Variants in PDZRN4 observed in about 807,000 individuals in gnomAD.
PDZRN4 encodes PDZ domain containing ring finger 4, also known as PDZ domain-containing RING finger protein 4.
A neutral mutation model predicts 99.0 loss-of-function variants in PDZRN4; 70 were observed. The ratio of observed to expected loss-of-function variants is 0.71; its 90% CI spans 0.58 to 0.86. The LOEUF (loss-of-function observed/expected upper bound fraction) is 0.86. Among genes scored for constraint, PDZRN4 ranks in the 40% least tolerant of loss-of-function variants. The pLI, the probability that PDZRN4 is intolerant of heterozygous loss-of-function variation, is 0.00. For missense variants in PDZRN4, 1,474 were observed against 1,331.2 expected (o/e 1.11, Z -1.67); for synonymous variants, 551 against 501.6 (o/e 1.10, Z -1.32).
intron 3 of PDZRN4, among the ~76,000 whole-genome samples, chr12:41,480,789 C>T (rs948030013): frequency 2.8e-4 from 42 of 151,852 alleles, no homozygotes; most frequent in African/African-American, 1.0e-3. Context: ...CTATTCAACT[C>T]AAATGTGAGT....
intron 3 of PDZRN4, among the ~76,000 whole-genome samples, chr12:41,340,463 G>A (rs921409237): frequency 1.3e-5 from 2 of 151,800 alleles, no homozygotes; most frequent in African/African-American, 4.8e-5. Flanking sequence ...AGGAAGTAGG[G>A]ATGGGTAATG....
rs74077172 is a variant in PDZRN4, at chr12:41,243,751, G to A, written c.843+49563G>A. Reference sequence around the variant, plus strand: ...ATTTCTCTATGGGATAGCACTGCCTGATAGCTAATTCACAGTAGCAGAATA... The same window carrying A: ...ATTTCTCTATGGGATAGCACTGCCTAATAGCTAATTCACAGTAGCAGAATA... On this transcript the variant is annotated intron_variant, in intron 3 of 9. Coordinates refer to ENST00000402685, the MANE Select transcript of PDZRN4 (RefSeq NM_001164595.2). Among the ~76,000 whole-genome samples the A allele has an allele frequency of 2.5e-3, 374 of 152,252 alleles. 2 individuals are homozygous for A. The highest frequency in any genetic ancestry group is 8.8e-3 in the African/African-American group (367 of 41,538).
chr12:41,573,741 A>G lies in PDZRN4; in HGVS notation c.2962A>G (p.Ile988Val). 6.2e-7 allele frequency: 1 copy of G among 1,613,974 alleles called. No individual in the cohort carries two copies. The highest frequency in any genetic ancestry group is 2.2e-5 in the East Asian group (1 of 44,848). ...TGAGGGCAAGAAGGAGATCAATATC[A>G]TTGAACTGAGTCACAAAAAGATGAT... is the stretch of plus-strand genomic sequence containing the variant. Reference protein sequence around the residue: ...GSEGKKEINIIELSHKKMMKK... With the variant: ...GSEGKKEINIVELSHKKMMKK... Residue 988 changes from isoleucine to valine, a missense_variant, in exon 10 of 10, where the codon ATT becomes GTT. Coordinates refer to ENST00000402685, the MANE Select transcript of PDZRN4 (RefSeq NM_001164595.2).
chr12:41,490,941 A>T (rs1354199957), intron 3 of PDZRN4, among the ~76,000 whole-genome samples: 1 of 152,144 alleles, frequency 6.6e-6, no homozygotes, highest in Non-Finnish European at 1.5e-5. Context: ...ATAATCTTTC[A>T]TGGGTTCCAA....
At chr12:41,227,256 T>C (rs1951001056) in intron 3 of PDZRN4, among the ~76,000 whole-genome samples, 2 of 152,160 alleles carry the variant, frequency 1.3e-5, no homozygotes, top group South Asian at 4.1e-4. Flanking sequence ...TGAGGTTTGT[T>C]CTGTTTATCT....
chr12:41,350,526 G>T (rs575245606), intron 3 of PDZRN4, among the ~76,000 whole-genome samples: 62 of 151,984 alleles, frequency 4.1e-4, no homozygotes, highest in Non-Finnish European at 7.4e-4. Flanking sequence ...ATACATTTTA[G>T]TGAAAAAATG....
chr12:41,498,714 A>T (rs944819938), intron 3 of PDZRN4, among the ~76,000 whole-genome samples: 1 of 152,114 alleles, frequency 6.6e-6, no homozygotes, highest in African/African-American at 2.4e-5. Context: ...CATAGCAGGG[A>T]TATTCTACAA....
At chr12:41,352,467 T>C (rs1040387174) in intron 3 of PDZRN4, among the ~76,000 whole-genome samples, 3 of 152,134 alleles carry the variant, frequency 2.0e-5, no homozygotes, top group Admixed American at 6.6e-5. Context: ...TCATTTATCA[T>C]GGCATTTCTG....
chr12:41,287,305 A>G (rs1005226210), intron 3 of PDZRN4, among the ~76,000 whole-genome samples: 4 of 152,216 alleles, frequency 2.6e-5, no homozygotes, highest in African/African-American at 9.7e-5. Context: ...TCTAACTTGT[A>G]AAATGAACTA....
chr12:41,259,548 A>T (rs1016542358), intron 3 of PDZRN4, among the ~76,000 whole-genome samples: 2 of 152,142 alleles, frequency 1.3e-5, no homozygotes, highest in Non-Finnish European at 2.9e-5. Flanking sequence ...TCTGCTCCTT[A>T]TGGTAGAATT....
rs1950754880 is a variant in PDZRN4 at position 41,194,097 on chromosome 12, C to T, written c.752C>T (p.Thr251Ile). 6.7e-7 allele frequency: 1 copy of T among 1,503,264 alleles called. No individual in the cohort carries two copies. Among genetic ancestry groups the T allele is most frequent in the Non-Finnish European group, 9.2e-7 (1 of 1,092,076 alleles). The allele number at this position is 1,503,264 out of a possible 1,614,324, so 93.1% of individuals were successfully genotyped here. A position where few individuals can be genotyped will look rare whatever the true frequency, so the allele number is the denominator to read the frequency against. The part of the protein sequence containing the change: ...GRPNQNNQEG[T>I]STEGIYVSKI... The stretch of plus-strand genomic sequence containing the variant: ...TAAAAATAGAATAATCAGGAAGGAA[C>T]ATCGACTGAAGGAATTTACGTTTCA... The change falls in exon 3 of 10, where the codon ACA becomes ATA. Residue 251 changes from threonine to isoleucine, a missense_variant. By Grantham distance (89) the Thr-to-Ile change is moderately conservative. Coordinates refer to ENST00000402685, the MANE Select transcript of PDZRN4 (RefSeq NM_001164595.2).
At chr12:41,254,123 T>A (rs1257039657) in intron 3 of PDZRN4, among the ~76,000 whole-genome samples, 3 of 152,058 alleles carry the variant, frequency 2.0e-5, no homozygotes, top group Non-Finnish European at 4.4e-5. Context: ...AAATTAAATA[T>A]GTGTATTTTA....
intron 3 of PDZRN4, among the ~76,000 whole-genome samples, chr12:41,482,932 G>T (rs1446528761): frequency 6.6e-6 from 1 of 151,760 alleles, no homozygotes; most frequent in Admixed American, 6.6e-5. Flanking sequence ...AGTGTTTCAA[G>T]AACATTTTTA....
intron 3 of PDZRN4, among the ~76,000 whole-genome samples, chr12:41,349,563 CTATT>C (rs1283461075): frequency 5.3e-5 from 8 of 151,818 alleles, no homozygotes; most frequent in African/African-American, 1.9e-4. Context: ...AAAAGACTCA[CTATT>C]TATTTGCCCT....
chr12:41,371,027 G>T (rs537841222), intron 3 of PDZRN4, among the ~76,000 whole-genome samples: 34 of 150,678 alleles, frequency 2.3e-4, no homozygotes, highest in Middle Eastern at 3.4e-3. Context: ...AGTATCAACC[G>T]GCTCTCCATA....
At chr12:41,466,755 T>G (rs1407183018) in intron 3 of PDZRN4, among the ~76,000 whole-genome samples, 1 of 151,564 alleles carries the variant, frequency 6.6e-6, no homozygotes, top group Non-Finnish European at 1.5e-5. Flanking sequence ...TCCAGTGTTT[T>G]TTTTTTTTTT....
intron 3 of PDZRN4, among the ~76,000 whole-genome samples, chr12:41,287,977 CT>C (rs1951431645): frequency 6.6e-6 from 1 of 152,142 alleles, no homozygotes; most frequent in Non-Finnish European, 1.5e-5. Context: ...AGTGAAGCCC[CT>C]TTGTTTGGGC....
chr12:41,459,076 G>T (rs966812798), intron 3 of PDZRN4, among the ~76,000 whole-genome samples: 2 of 151,988 alleles, frequency 1.3e-5, no homozygotes, highest in South Asian at 2.1e-4. Context: ...ACTAGTAGAA[G>T]AATGGGTGCC....
intron 3 of PDZRN4, among the ~76,000 whole-genome samples, chr12:41,458,328 T>G (rs1310636289): frequency 6.6e-6 from 1 of 152,186 alleles, no homozygotes; most frequent in African/African-American, 2.4e-5. Flanking sequence ...CAGCTAATTT[T>G]GTATTTTTGG....
Sources: allele counts gnomAD v4.1 joint callset (sites outside exome capture counted in the v4.1 genomes callset), GRCh38; gene constraint gnomAD v4.1.1; transcripts MANE v1.5; gene names NCBI Gene and HGNC (gene_info 2026-07-23, HGNC 2026-07-21).